The following CEP170 variants were observed in gnomAD, a reference collection of about 807,000 sequenced individuals.
The protein encoded by CEP170 is centrosomal protein of 170 kDa.
In CEP170, 21 loss-of-function variants were observed where a neutral mutation model predicts 151.9. The ratio of observed to expected loss-of-function variants is 0.14; its 90% confidence interval spans 0.10 to 0.20. The LOEUF is 0.20. CEP170 is among the 10% of genes least tolerant of loss of function. The pLI, the probability that CEP170 is intolerant of heterozygous loss-of-function variation, is 1.00. For synonymous variants in CEP170, 356 were observed against 648.8 expected (o/e 0.55, Z 6.86); for missense variants, 964 against 1,892.9 (o/e 0.51, Z 9.11).
chr1:243,179,699 A>C (rs1006599548), intron 10 of CEP170, among the ~76,000 whole-genome samples: 1 of 152,238 alleles, frequency 6.6e-6, no homozygotes, highest in African/African-American at 2.4e-5. Context: ...CAAATGAAAA[A>C]GCAGGTCACA....
chr1:243,184,866 G>A (rs1646735255), intron 10 of CEP170, among the ~76,000 whole-genome samples: 1 of 151,974 alleles, frequency 6.6e-6, no homozygotes, highest in South Asian at 2.1e-4. Context: ...GTATATATAG[G>A]ATGGGCCTGA....
chr1:243,178,843 C>T (rs556189069), intron 10 of CEP170, among the ~76,000 whole-genome samples: 4 of 151,926 alleles, frequency 2.6e-5, no homozygotes, highest in Admixed American at 6.6e-5. Flanking sequence ...CTCAGCCTCC[C>T]GAGTAGCTGG....
intron 1 of CEP170, among the ~76,000 whole-genome samples, chr1:243,232,818 G>C (rs991086677): frequency 6.6e-6 from 1 of 152,178 alleles, no homozygotes; most frequent in Non-Finnish European, 1.5e-5. Flanking sequence ...GGATGGTGAC[G>C]GTAGGGATGG....
chr1:243,239,776 T>C (rs927355616), intron 1 of CEP170, among the ~76,000 whole-genome samples: 9 of 152,222 alleles, frequency 5.9e-5, no homozygotes, highest in Non-Finnish European at 1.2e-4. Flanking sequence ...CTAAACTTCT[T>C]TGTACAAAAT....
Position 243,250,118 on chromosome 1 carries a change from C to A in CEP170, c.-42+4922G>T, listed in dbSNP as rs144253779. On this transcript the variant is annotated intron_variant, in intron 1 of 19. Coordinates refer to ENST00000366542, the MANE Select transcript of CEP170 (RefSeq NM_014812.3). Reference sequence around the variant, plus strand: ...CAAAAAGGCCCCAAAAACAAACAAACAAAAAAAACCCATCCGAATGGTTTT... The same window carrying A: ...CAAAAAGGCCCCAAAAACAAACAAAAAAAAAAAACCCATCCGAATGGTTTT... 4.5e-4 allele frequency among the ~76,000 whole-genome samples: 68 copies of A among 151,934 alleles called. 1 individual carries two copies. The highest frequency in any genetic ancestry group is 1.5e-3 in the African/African-American group (64 of 41,474).
intron 1 of CEP170, among the ~76,000 whole-genome samples, chr1:243,236,079 G>T (rs1189419822): frequency 6.6e-6 from 1 of 152,140 alleles, no homozygotes; most frequent in African/African-American, 2.4e-5. Flanking sequence ...CCTCCTTTGT[G>T]CCAGTAACTG....
intron 15 of CEP170, 162 bp downstream of exon 15, chr1:243,142,154 T>C: frequency 6.9e-7 from 1 of 1,443,644 alleles, no homozygotes; most frequent in Non-Finnish European, 9.2e-7. Context: ...CTAGTTTTGT[T>C]ACAAAAACAT....
In CEP170 at chr1:243,255,121, C is replaced by G. The variant is rs946801805; in HGVS notation, c.-123G>C. On this transcript the variant is annotated 5_prime_UTR_variant, in exon 1 of 20. Coordinates refer to ENST00000366542, the MANE Select transcript of CEP170 (RefSeq NM_014812.3). ...AGTCTCTCGCACGCCGTCCTCCCCC[C>G]ACCTCGTCGTCGTCGTCGTCGCCGC... The G allele has an allele frequency of 2.6e-5, 4 of 153,466 alleles. No homozygotes were observed. Among genetic ancestry groups the G allele is most frequent in the Non-Finnish European group, 2.9e-5 (2 of 68,820 alleles). 9.5% of individuals were successfully genotyped at this position (153,466 alleles called of 1,614,324 possible).
chr1:243,203,891 G>T (rs977724681), intron 4 of CEP170, among the ~76,000 whole-genome samples: 1 of 151,922 alleles, frequency 6.6e-6, no homozygotes, highest in Non-Finnish European at 1.5e-5. Flanking sequence ...TTAACAGCAG[G>T]AAACTTTCTA....
chr1:243,127,460 A>T (rs866156283), intron 19 of CEP170, among the ~76,000 whole-genome samples: 1 of 152,180 alleles, frequency 6.6e-6, no homozygotes, highest in Non-Finnish European at 1.5e-5. Flanking sequence ...AGTAACATAG[A>T]TGTAAGAATC....
intron 1 of CEP170, among the ~76,000 whole-genome samples, chr1:243,227,297 T>A (rs2063378109): frequency 6.6e-6 from 1 of 152,184 alleles, no homozygotes; most frequent in South Asian, 2.1e-4. Context: ...CTTAAATTCC[T>A]TGAAGTGACA....
intron 13 of CEP170, among the ~76,000 whole-genome samples, chr1:243,159,763 TTGTGTGTGTGTGTGTG>T (rs565534328): frequency 2.4e-5 from 3 of 127,160 alleles, no homozygotes; most frequent in South Asian, 6.1e-4. Context: ...GTTTCCGGTT[TTGTGTGTGTGTGTGTG>T]TGTGTGTGTG....
chr1:243,155,038 A>G (rs1475349512), intron 14 of CEP170, among the ~76,000 whole-genome samples: 2 of 152,204 alleles, frequency 1.3e-5, no homozygotes, highest in Admixed American at 1.3e-4. Context: ...TGCTCTCACT[A>G]CAAGCATTTT....
In CEP170 at chr1:243,176,831, C is replaced by T. The variant is rs181707262; in HGVS notation, c.1567-3985G>A. The T allele has an allele frequency of 9.0e-5, 36 of 398,376 alleles. No homozygotes were observed. In the East Asian group the frequency reaches 1.3e-3, roughly 15 times the overall value. 24.7% of individuals were successfully genotyped at this position (398,376 alleles called of 1,614,324 possible). On this transcript the variant is annotated intron_variant, in intron 10 of 19. Transcript: ENST00000366542. ...GAGGCTGTCACCTGAAAGAACCATGCAGGAATATTCTGTAATTAAAACCAA... is the reference window on the plus strand; with the variant it reads ...GAGGCTGTCACCTGAAAGAACCATGTAGGAATATTCTGTAATTAAAACCAA...
At chr1:243,206,948 G>T (rs1364101117) in intron 4 of CEP170, among the ~76,000 whole-genome samples, 1 of 151,982 alleles carries the variant, frequency 6.6e-6, no homozygotes, top group African/African-American at 2.4e-5. Context: ...AGCCAACAAA[G>T]GAGATAAAAT....
chr1:243,135,882 T>G (rs2055008376), intron 17 of CEP170: 1 of 222,256 alleles, frequency 4.5e-6, no homozygotes, highest in African/African-American at 2.4e-5. Context: ...TTCATTACAT[T>G]TTAAATTTTA....
intron 1 of CEP170, among the ~76,000 whole-genome samples, chr1:243,237,088 G>A (rs1049869118): frequency 6.6e-6 from 1 of 152,144 alleles, no homozygotes; most frequent in South Asian, 2.1e-4. Context: ...AAACTGAAAC[G>A]TCTCAGAGTC....
intron 10 of CEP170, among the ~76,000 whole-genome samples, chr1:243,173,867 A>C (rs1479368834): frequency 2.6e-5 from 4 of 152,208 alleles, no homozygotes; most frequent in Non-Finnish European, 5.9e-5. Context: ...TTGAAAAACC[A>C]TAAACATGTG....
Position 243,139,978 on chromosome 1 carries a change from G to A in CEP170, c.4189C>T (p.His1397Tyr). ...PRPQAAEPPD[H>Y]LTITRRRTWS... Reference sequence around the variant, plus strand: ...GTTCTCCGCCTTGTAATTGTTAAGTGATCGGGAGGCTCTGCTGCTTGAGGT... The same window carrying A: ...GTTCTCCGCCTTGTAATTGTTAAGTAATCGGGAGGCTCTGCTGCTTGAGGT... The change falls in exon 16 of 20, where the codon CAC becomes TAC. Residue 1397 changes from histidine to tyrosine, a missense_variant. His to Tyr is a moderately conservative substitution (Grantham distance 83, BLOSUM62 2). Transcript: ENST00000366542. 2 of 1,613,566 alleles carry A rather than the reference G, an allele frequency of 1.2e-6. No homozygotes were observed. Among genetic ancestry groups the A allele is most frequent in the Non-Finnish European group, 1.7e-6 (2 of 1,179,602 alleles).
Sources: allele counts gnomAD v4.1 joint callset (sites outside exome capture counted in the v4.1 genomes callset), GRCh38; gene constraint gnomAD v4.1.1; transcripts MANE v1.5; gene names NCBI Gene and HGNC (gene_info 2026-07-23, HGNC 2026-07-21).